The following FSD2 variants were observed in gnomAD, a reference collection of about 807,000 sequenced individuals.
FSD2 encodes fibronectin type III and SPRY domain containing 2, also known as fibronectin type III and SPRY domain-containing protein 2.
A neutral mutation model predicts 80.4 loss-of-function variants in FSD2; 71 were observed. The observed-to-expected ratio is 0.88, with a 90% confidence interval of 0.73 to 1.08. FSD2 has a LOEUF of 1.08. Ranked by LOEUF, FSD2 falls within the 50% of genes least tolerant of loss-of-function variation. The probability of loss-of-function intolerance (pLI) is 0.00; values close to 1 mark genes in which losing one functional copy is unlikely to be tolerated. For missense variants in FSD2, 923 were observed against 913.8 expected (o/e 1.01, Z -0.13); for synonymous variants, 361 against 329.5 (o/e 1.10, Z -1.03).
At chr15:82,794,288 C>G (rs1567320143) in intron 1 of FSD2, among the ~76,000 whole-genome samples, 1 of 151,962 alleles carries the variant, frequency 6.6e-6, no homozygotes, top group Non-Finnish European at 1.5e-5. Flanking sequence ...GTGAGTTTTC[C>G]AACTTTCCTT....
intron 1 of FSD2, among the ~76,000 whole-genome samples, chr15:82,792,201 C>A (rs1172554065): frequency 6.6e-6 from 1 of 152,144 alleles, no homozygotes; most frequent in Non-Finnish European, 1.5e-5. Context: ...AACTGTTTTC[C>A]AAATTGTCTA....
intron 12 of FSD2, among the ~76,000 whole-genome samples, chr15:82,760,749 A>ACG (rs2049277278): frequency 6.6e-6 from 1 of 151,834 alleles, no homozygotes; most frequent in Non-Finnish European, 1.5e-5. Context: ...GCACACACAC[A>ACG]CACACACACA....
chr15:82,771,669 C>T (rs975094401), intron 7 of FSD2, among the ~76,000 whole-genome samples: 8 of 152,200 alleles, frequency 5.3e-5, no homozygotes, highest in African/African-American at 1.7e-4. Flanking sequence ...ATGAATCCTC[C>T]AGTTTCTTCT....
chr15:82,792,709 G>A (rs573629755), intron 1 of FSD2, among the ~76,000 whole-genome samples: 1 of 152,242 alleles, frequency 6.6e-6, no homozygotes, highest in East Asian at 1.9e-4. Flanking sequence ...AATTTGGGAT[G>A]AATCCCACTT....
chr15:82,792,556 A>G (rs538479964), intron 1 of FSD2, among the ~76,000 whole-genome samples: 1 of 152,232 alleles, frequency 6.6e-6, no homozygotes, highest in Non-Finnish European at 1.5e-5. Context: ...TTTTTCTTCT[A>G]TTCTGTGAGG....
intron 4 of FSD2, among the ~76,000 whole-genome samples, chr15:82,780,714 A>G (rs985885350): frequency 6.6e-6 from 1 of 151,654 alleles, no homozygotes; most frequent in Non-Finnish European, 1.5e-5. Flanking sequence ...ATATTGTCAC[A>G]TCATATATAT....
At chr15:82,790,851 C>CTGGG (rs1484708549) in intron 1 of FSD2, among the ~76,000 whole-genome samples, 10 of 150,804 alleles carry the variant, frequency 6.6e-5, no homozygotes, top group Non-Finnish European at 8.9e-5. Flanking sequence ...TCCCAAAGTG[C>CTGGG]TGGGATTACA....
At position 82,795,482 on chromosome 15, in the gene FSD2, A is replaced by G. The variant is rs1007565874; in HGVS notation, c.-78-8014T>C. Among the ~76,000 whole-genome samples, 80 of 152,228 alleles carry G rather than the reference A, an allele frequency of 5.3e-4. 1 individual carries two copies. The highest frequency in any genetic ancestry group is 1.8e-3 in the African/African-American group (76 of 41,454). On this transcript the variant is annotated intron_variant, in intron 1 of 12. Coordinates refer to ENST00000334574, the MANE Select transcript of FSD2 (RefSeq NM_001007122.4). Reference sequence around the variant, plus strand: ...GAAGAAGATTATCATCTACAAGTCTATCAGAACTAAATATAGGCATTTATG... The same window carrying G: ...GAAGAAGATTATCATCTACAAGTCTGTCAGAACTAAATATAGGCATTTATG...
chr15:82,790,544 T>TTGTGTG (rs57545404), intron 1 of FSD2, among the ~76,000 whole-genome samples: 2,803 of 148,772 alleles, frequency 0.019, 76 homozygotes, highest in African/African-American at 0.059. Context: ...GAGCTGCCAT[T>TTGTGTG]TGTGTGTGTG....
intron 1 of FSD2, among the ~76,000 whole-genome samples, chr15:82,793,851 T>C (rs763781543): frequency 5.3e-5 from 8 of 152,224 alleles, no homozygotes. Context: ...CCCTTTTTCA[T>C]TTCTGATTCT....
chr15:82,786,917 G>A lies in FSD2; in HGVS notation c.474C>T (p.Ser158=), dbSNP rs758256840. Residue 158 remains serine, a synonymous_variant, in exon 2 of 13, where the codon AGC becomes AGT. Transcript: ENST00000334574. ...GGATGACATAGCATTCATACTCCTC[G>A]CTGGCACGGCCGTGTGTGTACCTAT... is the stretch of plus-strand genomic sequence containing the variant. ...EAYRYTHGRA[S]EEYECYVIPE... The A allele has an allele frequency of 1.3e-5, 21 of 1,613,734 alleles. No individual in the cohort carries two copies. Among genetic ancestry groups the A allele is most frequent in the East Asian group, 2.2e-5 (1 of 44,872 alleles).
chr15:82,769,759 A>G lies in FSD2; in HGVS notation c.1393T>C (p.Tyr465His). 1 of 1,613,834 alleles carries G rather than the reference A, an allele frequency of 6.2e-7. No homozygotes were observed. The highest frequency in any genetic ancestry group is 1.1e-5 in the South Asian group (1 of 91,078). Residue 465 changes from tyrosine (Y) to histidine (H), a missense_variant, in exon 8 of 13, where the codon TAC becomes CAC. Coordinates refer to ENST00000334574, the MANE Select transcript of FSD2 (RefSeq NM_001007122.4). The part of the protein sequence containing the change: ...GPSPSSERAV[Y>H]MTAPSPPIIK... ...ATGAGTAGCCCATTACCTGTCATGT[A>G]CACTGCACGCTCGCTAGAGGGGCTG...
rs1033408115 is a variant in FSD2 at position 82,778,643 on chromosome 15, A to G, written c.1111+123T>C. On this transcript the variant is annotated intron_variant, in intron 6 of 12. Coordinates refer to ENST00000334574, the MANE Select transcript of FSD2 (RefSeq NM_001007122.4). ...CAACACAGTACCTGTATTTAACAAT[A>G]TTGTATTGTACACTTTAAAATTTGT... 6 of 1,087,722 alleles carry G rather than the reference A, an allele frequency of 5.5e-6. No individual in the cohort carries two copies. In the African/African-American group the frequency reaches 7.9e-5, roughly 14 times the overall value. 67.4% of individuals were successfully genotyped at this position (1,087,722 alleles called of 1,614,324 possible).
At chr15:82,779,555 A>AT (rs917011332) in intron 5 of FSD2, among the ~76,000 whole-genome samples, 3 of 151,450 alleles carry the variant, frequency 2.0e-5, no homozygotes, top group Admixed American at 6.6e-5. Flanking sequence ...AATCCCAGCT[A>AT]TTTGGGAGGC....
intron 1 of FSD2, among the ~76,000 whole-genome samples, chr15:82,803,278 G>T (rs1218795081): frequency 6.6e-6 from 1 of 152,108 alleles, no homozygotes; most frequent in Non-Finnish European, 1.5e-5. Context: ...TTCCTCAGGG[G>T]TGTCCCTGCC....
Position 82,781,337 on chromosome 15 carries a change from C to A in FSD2, c.967-1070G>T, listed in dbSNP as rs545692751. ...CATTGATGGTTCTTGCAGTGCCTGCCAAATTGCTCTCCAGCTTTATTCGCT... is the reference window on the plus strand; with the variant it reads ...CATTGATGGTTCTTGCAGTGCCTGCAAAATTGCTCTCCAGCTTTATTCGCT... On this transcript the variant is annotated intron_variant, in intron 4 of 12. Coordinates refer to ENST00000334574, the MANE Select transcript of FSD2 (RefSeq NM_001007122.4). Among the ~76,000 whole-genome samples, 23 of 152,310 alleles carry A rather than the reference C, an allele frequency of 1.5e-4. No homozygotes were observed. The East Asian group carries it at 4.1e-3, about 27-fold the overall frequency.
intron 11 of FSD2, among the ~76,000 whole-genome samples, chr15:82,762,989 T>A (rs2049325618): frequency 6.6e-6 from 1 of 152,188 alleles, no homozygotes; most frequent in Admixed American, 6.5e-5. Flanking sequence ...GAAAGATTTG[T>A]TCAGTTTAAA....
intron 9 of FSD2, among the ~76,000 whole-genome samples, chr15:82,766,738 C>CA (rs560358115): frequency 0.18 from 17,271 of 95,930 alleles, 1,483 homozygotes; most frequent in South Asian, 0.38. Context: ...GAGACTGTCT[C>CA]AAAAAAAAAA....
At chr15:82,786,481 G>T in intron 3 of FSD2, 30 bp downstream of exon 3, 1 of 1,500,230 alleles carries the variant, frequency 6.7e-7, no homozygotes, top group Non-Finnish European at 9.3e-7. Context: ...AGAAATGTGA[G>T]TCTGATGAGG....
Sources: gnomAD v4.1 joint callset for allele counts (sites outside exome capture counted in the v4.1 genomes callset) on GRCh38, gnomAD v4.1.1 for gene constraint, MANE v1.5 for transcripts, NCBI Gene and HGNC (gene_info 2026-07-23, HGNC 2026-07-21) for gene names.